PCBP3: variants seen among roughly 807,000 people sequenced by gnomAD.
PCBP3 encodes the protein poly(rC)-binding protein 3.
PCBP3 carries 25 observed loss-of-function variants against 52.7 expected under a neutral mutation model. The ratio of observed to expected loss-of-function variants is 0.47; its 90% CI spans 0.35 to 0.66. The LOEUF is 0.66. Among genes scored for constraint, PCBP3 ranks in the 30% least tolerant of loss-of-function variants. The pLI is 0.01. For missense variants in PCBP3, 391 were observed against 490.3 expected (o/e 0.80, Z 1.91); for synonymous variants, 162 against 183.0 (o/e 0.89, Z 0.93).
At chr21:45,879,542 C>T (rs566511801) in intron 5 of PCBP3, among the ~76,000 whole-genome samples, 1 of 152,058 alleles carries the variant, frequency 6.6e-6, no homozygotes, top group East Asian at 1.9e-4. Context: ...TGGGATGTTC[C>T]CCAAGGCAGG....
chr21:45,926,300 C>T (rs1204183996), intron 13 of PCBP3, among the ~76,000 whole-genome samples: 1 of 152,212 alleles, frequency 6.6e-6, no homozygotes, highest in Non-Finnish European at 1.5e-5. Context: ...AGCCATCTAG[C>T]ACCTGCCGTT....
rs1418057069 is a variant in PCBP3, at chr21:45,697,650, T to C, written c.-200+28698T>C. ...GTCCAAGCTACTCGGAAGGCTGAGA[T>C]GGGAGGATTGCTCGAGCCTGGCCGG... is the stretch of plus-strand genomic sequence containing the variant. On this transcript the variant is annotated intron_variant, in intron 2 of 17. Transcript: ENST00000681687. 8.0e-5 allele frequency among the ~76,000 whole-genome samples: 12 copies of C among 150,538 alleles called. 1 individual carries two copies. The Admixed American group carries it at 8.0e-4, about 10-fold the overall frequency.
Position 45,940,135 on chromosome 21 carries a change from C to T in PCBP3, c.1015C>T (p.Arg339Cys), listed in dbSNP as rs897157518. ...IANATEGSSE[R>C]QITITGTPAN... is the part of the protein sequence containing the mutation. ...CAACGCCACGGAAGGGTCCTCAGAG[C>T]GTCAGATCACCATCACGGGGACCCC... The change falls in exon 17 of 18, where the codon CGT (arginine) becomes TGT (cysteine). Residue 339 changes from arginine to cysteine, a missense_variant. By Grantham distance (180) the Arg-to-Cys change is radical (BLOSUM62 -3). Transcript: ENST00000681687. The T allele has an allele frequency of 3.1e-6, 5 of 1,614,012 alleles. No individual in the cohort carries two copies. The highest frequency in any genetic ancestry group is 3.4e-6 in the Non-Finnish European group (4 of 1,179,966).
At chr21:45,939,871 C>T (rs1276252729) in intron 16 of PCBP3, among the ~76,000 whole-genome samples, 159 bp from the exon 17 acceptor site, 3 of 152,304 alleles carry the variant, frequency 2.0e-5, no homozygotes, top group African/African-American at 7.2e-5. Context: ...CACCTGCAGG[C>T]AGGTGTGGGC....
chr21:45,666,444 G>C (rs2080801918), intron 1 of PCBP3, among the ~76,000 whole-genome samples: 1 of 152,000 alleles, frequency 6.6e-6, no homozygotes, highest in African/African-American at 2.4e-5. Flanking sequence ...ATCTTTACTG[G>C]TGCTGTTTAT....
intron 4 of PCBP3, among the ~76,000 whole-genome samples, chr21:45,847,786 C>T (rs936832928): frequency 1.3e-5 from 2 of 152,206 alleles, no homozygotes; most frequent in African/African-American, 4.8e-5. Context: ...TGGGGAGTGC[C>T]TTCAGGGCCA....
intron 5 of PCBP3, among the ~76,000 whole-genome samples, chr21:45,857,552 A>G (rs1387964453): frequency 6.6e-6 from 1 of 152,132 alleles, no homozygotes; most frequent in East Asian, 1.9e-4. Flanking sequence ...AGAACAGCCT[A>G]ATACACCACC....
chr21:45,895,830 G>A (rs952502054), intron 5 of PCBP3, among the ~76,000 whole-genome samples: 4 of 152,232 alleles, frequency 2.6e-5, no homozygotes, highest in Non-Finnish European at 5.9e-5. Flanking sequence ...GAAGCAGGGG[G>A]CAAAGCCCCA....
rs1251888389 is a variant in PCBP3 at position 45,880,434 on chromosome 21, C to T, written c.11-15774C>T. On this transcript the variant is annotated intron_variant, in intron 5 of 17. Coordinates refer to ENST00000681687, the MANE Select transcript of PCBP3 (RefSeq NM_001384156.1). The surrounding 1 kb of genome is among the most constrained non-coding windows in gnomAD (Gnocchi z 5.4). Reference sequence around the variant, plus strand: ...CCTCAGTGACTGTCTGAATGAAAAACGCAGGAGTGGGTGGTGTGGGAGAAA... The same window carrying T: ...CCTCAGTGACTGTCTGAATGAAAAATGCAGGAGTGGGTGGTGTGGGAGAAA... Among the ~76,000 whole-genome samples the T allele has an allele frequency of 6.6e-6, 1 of 152,206 alleles. No individual in the cohort carries two copies. Among genetic ancestry groups the T allele is most frequent in the Non-Finnish European group, 1.5e-5 (1 of 68,038 alleles).
chr21:45,926,932 A>C (rs1158656860), intron 13 of PCBP3, among the ~76,000 whole-genome samples: 2 of 152,198 alleles, frequency 1.3e-5, no homozygotes, highest in African/African-American at 4.8e-5. Context: ...AGATCTGTGC[A>C]GCAGGAGTGA....
rs199906530 is a variant in PCBP3, at chr21:45,929,898, C to G, written c.718-19C>G. 1 of 1,597,414 alleles carries G rather than the reference C, an allele frequency of 6.3e-7. No individual in the cohort carries two copies. Among genetic ancestry groups the G allele is most frequent in the African/African-American group, 1.3e-5 (1 of 74,594 alleles). ...CGATGACAATAACCTTCTTAGCTCTCGTGTCCCTCCTACCCCAGCAGTTGA... is the reference window on the plus strand; with the variant it reads ...CGATGACAATAACCTTCTTAGCTCTGGTGTCCCTCCTACCCCAGCAGTTGA... On this transcript the variant is annotated intron_variant, in intron 13 of 17. Transcript: ENST00000681687.
chr21:45,684,822 TA>T (rs1270069034), intron 2 of PCBP3, among the ~76,000 whole-genome samples: 1 of 152,210 alleles, frequency 6.6e-6, no homozygotes, highest in Non-Finnish European at 1.5e-5. Flanking sequence ...ACAGTGCTCA[TA>T]AAATGTCTGT....
chr21:45,839,475 C>T (rs532217789), intron 4 of PCBP3, among the ~76,000 whole-genome samples: 1 of 152,296 alleles, frequency 6.6e-6, no homozygotes, highest in East Asian at 1.9e-4. Flanking sequence ...ATATTATGTT[C>T]TTCAGGATGG....
chr21:45,900,951 C>A (rs1373972168), intron 8 of PCBP3, 46 bp from the exon 9 acceptor site: 2 of 1,428,908 alleles, frequency 1.4e-6, no homozygotes, highest in Non-Finnish European at 2.0e-6. Context: ...CCCACTGGCC[C>A]AAGGGTTTTA....
At chr21:45,824,902 G>A in intron 4 of PCBP3, among the ~76,000 whole-genome samples, 1 of 152,248 alleles carries the variant, frequency 6.6e-6, no homozygotes, top group South Asian at 2.1e-4. Context: ...GCAGTAAAAA[G>A]TGGAACAGCC....
intron 4 of PCBP3, among the ~76,000 whole-genome samples, chr21:45,799,455 C>T (rs1403381689): frequency 6.6e-6 from 1 of 152,170 alleles, no homozygotes; most frequent in Non-Finnish European, 1.5e-5. Flanking sequence ...TAATCTTCCT[C>T]TGTACCTAAT....
intron 4 of PCBP3, among the ~76,000 whole-genome samples, chr21:45,831,408 C>CAAAAA (rs59400163): frequency 2.1e-3 from 182 of 86,558 alleles, no homozygotes; most frequent in African/African-American, 6.9e-3. Flanking sequence ...GATGCTGTCT[C>CAAAAA]AAAAAAAAAA....
intron 2 of PCBP3, among the ~76,000 whole-genome samples, chr21:45,693,434 G>A (rs992263652): frequency 1.3e-5 from 2 of 152,096 alleles, no homozygotes; most frequent in East Asian, 3.8e-4. Flanking sequence ...GGCAGTGGAG[G>A]GAATAGCCCA....
intron 2 of PCBP3, among the ~76,000 whole-genome samples, chr21:45,711,845 A>G (rs867464887): frequency 3.3e-5 from 5 of 152,224 alleles, no homozygotes; most frequent in Middle Eastern, 3.2e-3. Context: ...ATGGTTTTTG[A>G]GAACTGCTTA....
Sources: allele counts gnomAD v4.1 joint callset (sites outside exome capture counted in the v4.1 genomes callset), GRCh38; gene constraint gnomAD v4.1.1; non-coding constraint Gnocchi (gnomAD v3.1); transcripts MANE v1.5; gene names NCBI Gene and HGNC (gene_info 2026-07-23, HGNC 2026-07-21).